ZC2HC1B: variants seen among roughly 807,000 people sequenced by gnomAD.
The protein encoded by ZC2HC1B is zinc finger C2HC-type containing 1B, also known as zinc finger C2HC domain-containing protein 1B.
ZC2HC1B carries 36 observed loss-of-function variants against 31.0 expected under a neutral mutation model. The ratio of observed to expected loss-of-function variants is 1.16; its 90% confidence interval spans 0.89 to 1.54. The LOEUF is 1.54. Ranked by LOEUF, ZC2HC1B falls within the 40% of genes most tolerant of loss-of-function variation. The pLI, the probability that ZC2HC1B is intolerant of heterozygous loss-of-function variation, is 0.00. For synonymous variants in ZC2HC1B, 73 were observed against 88.0 expected (o/e 0.83, Z 0.95); for missense variants, 260 against 268.6 (o/e 0.97, Z 0.22).
intron 6 of ZC2HC1B, among the ~76,000 whole-genome samples, chr6:143,906,747 CTTT>C (rs34216042): frequency 4.8e-5 from 7 of 146,678 alleles, no homozygotes; most frequent in Non-Finnish European, 3.0e-5. Context: ...CCCAGCCCCT[CTTT>C]TTTTTTTTTT....
intron 1 of ZC2HC1B, among the ~76,000 whole-genome samples, chr6:143,882,407 G>T (rs1227765878): frequency 1.4e-5 from 2 of 142,984 alleles, no homozygotes; most frequent in African/African-American, 2.7e-5. Context: ...AAAGAACAGG[G>T]AGGGCAAGAG....
chr6:143,936,083 T>C (rs1177385226), intron 6 of ZC2HC1B, among the ~76,000 whole-genome samples: 1 of 152,210 alleles, frequency 6.6e-6, no homozygotes, highest in African/African-American at 2.4e-5. Flanking sequence ...AAGCATTTAG[T>C]ATCTTGTACC....
rs572490593 is a variant in ZC2HC1B at position 143,874,676 on chromosome 6, C to T, written c.29-9628C>T. ...CATCAGATCTCATGAGACTCATTTA[C>T]TATCACAAGAACAGCATGGGAAAGA... On this transcript the variant is annotated intron_variant, in intron 1 of 7. Transcript: ENST00000237275. Among the ~76,000 whole-genome samples the T allele has an allele frequency of 9.2e-5, 14 of 152,274 alleles. No individual in the cohort carries two copies. The East Asian group carries it at 2.7e-3, about 29-fold the overall frequency.
At chr6:143,907,536 G>A (rs1411191583) in intron 6 of ZC2HC1B, among the ~76,000 whole-genome samples, 1 of 152,158 alleles carries the variant, frequency 6.6e-6, no homozygotes, top group Non-Finnish European at 1.5e-5. Context: ...GTTCAGTGAT[G>A]TTGAGCTCTT....
rs187283206 is a variant in ZC2HC1B at position 143,911,555 on chromosome 6, G to A, written c.598+8403G>A. 4.5e-4 allele frequency among the ~76,000 whole-genome samples: 68 copies of A among 152,202 alleles called. No individual in the cohort carries two copies. Among genetic ancestry groups the A allele is most frequent in the African/African-American group, 1.5e-3 (64 of 41,522 alleles). On this transcript the variant is annotated intron_variant, in intron 6 of 7. Coordinates refer to ENST00000237275, the MANE Select transcript of ZC2HC1B (RefSeq NM_001013623.3). The surrounding 1 kb of genome is among the most constrained non-coding windows in gnomAD (Gnocchi z 4.5). ...TTAGTTTGACTGGATATGAAATTCT[G>A]GGTTGGAAATTCTTTTCTTTAAGAA...
In ZC2HC1B at chr6:143,900,149, G is replaced by A. The variant is rs187141244; in HGVS notation, c.489+1458G>A. Among the ~76,000 whole-genome samples the A allele has an allele frequency of 2.0e-5, 3 of 152,042 alleles. No individual in the cohort carries two copies. The East Asian group carries it at 5.8e-4, about 29-fold the overall frequency. ...TCACGCCTGTAATCCCAGCACTTTGGGGGGCTGAAGTGGGCAGATCACCTG... is the reference window on the plus strand; with the variant it reads ...TCACGCCTGTAATCCCAGCACTTTGAGGGGCTGAAGTGGGCAGATCACCTG... On this transcript the variant is annotated intron_variant, in intron 5 of 7. Coordinates refer to ENST00000237275, the MANE Select transcript of ZC2HC1B (RefSeq NM_001013623.3).
In ZC2HC1B at chr6:143,898,790, G is replaced by C. The variant is rs912183975; in HGVS notation, c.489+99G>C. The C allele has an allele frequency of 6.3e-6, 9 of 1,424,982 alleles. No homozygotes were observed. The South Asian group carries it at 1.1e-4, about 17-fold the overall frequency. 88.3% of individuals were successfully genotyped at this position (1,424,982 alleles called of 1,614,324 possible). On this transcript the variant is annotated intron_variant, in intron 5 of 7. Coordinates refer to ENST00000237275, the MANE Select transcript of ZC2HC1B (RefSeq NM_001013623.3). ...GAACCTCAGTTACCCATCCTAAGAA[G>C]TGTAAGCGTGAAGAGAGCTGATCAT...
At chr6:143,874,957 C>T (rs1033692918) in intron 1 of ZC2HC1B, among the ~76,000 whole-genome samples, 9 of 152,114 alleles carry the variant, frequency 5.9e-5, no homozygotes, top group East Asian at 1.9e-4. Context: ...CTCAGCCCCC[C>T]GGGTATGTGG....
At chr6:143,873,569 C>A (rs1210676909) in intron 1 of ZC2HC1B, among the ~76,000 whole-genome samples, 1 of 152,232 alleles carries the variant, frequency 6.6e-6, no homozygotes, top group Admixed American at 6.5e-5. Context: ...AGAATCCAGG[C>A]GTTTCCATAC....
At position 143,884,773 on chromosome 6, in the gene ZC2HC1B, A is replaced by G. The variant is rs1777510159; in HGVS notation, c.90+408A>G. On this transcript the variant is annotated intron_variant, in intron 2 of 7. Coordinates refer to ENST00000237275, the MANE Select transcript of ZC2HC1B (RefSeq NM_001013623.3). This position sits in a 1 kb window ranked among gnomAD's most constrained non-coding sequence, Gnocchi z 5.1. ...GCTTTTAGCCTCAAATTTGTCACTAATCCTGACAAGTCCTTTAACCTTCCT... is the reference window on the plus strand; with the variant it reads ...GCTTTTAGCCTCAAATTTGTCACTAGTCCTGACAAGTCCTTTAACCTTCCT... 6.6e-6 allele frequency among the ~76,000 whole-genome samples: 1 copy of G among 152,152 alleles called. No homozygotes were observed. The highest frequency in any genetic ancestry group is 6.6e-5 in the Admixed American group (1 of 15,266).
At chr6:143,920,143 G>T (rs1777971163) in intron 6 of ZC2HC1B, among the ~76,000 whole-genome samples, 2 of 151,676 alleles carry the variant, frequency 1.3e-5, no homozygotes, top group South Asian at 4.2e-4. Context: ...TTATTTTCCA[G>T]AGATAATACA....
chr6:143,932,981 C>T (rs1778139530), intron 6 of ZC2HC1B, among the ~76,000 whole-genome samples: 1 of 152,162 alleles, frequency 6.6e-6, no homozygotes, highest in Admixed American at 6.5e-5. Flanking sequence ...CTGCCGAGTC[C>T]TGTGATGCAA....
At chr6:143,928,035 A>G (rs1413206122) in intron 6 of ZC2HC1B, among the ~76,000 whole-genome samples, 1 of 152,176 alleles carries the variant, frequency 6.6e-6, no homozygotes, top group African/African-American at 2.4e-5. Context: ...GTCCCTTGTC[A>G]GATGCACAGT....
chr6:143,911,293 G>T lies in ZC2HC1B; in HGVS notation c.598+8141G>T, dbSNP rs1032625306. Among the ~76,000 whole-genome samples the T allele has an allele frequency of 6.6e-6, 1 of 152,140 alleles. No individual in the cohort carries two copies. Among genetic ancestry groups the T allele is most frequent in the Non-Finnish European group, 1.5e-5 (1 of 68,030 alleles). ...CCCATTTAAATTTAAGGTTAGTATTGTTATGTGTGAATTAGATCCTGTCAT... is the reference window on the plus strand; with the variant it reads ...CCCATTTAAATTTAAGGTTAGTATTTTTATGTGTGAATTAGATCCTGTCAT... On this transcript the variant is annotated intron_variant, in intron 6 of 7. Coordinates refer to ENST00000237275, the MANE Select transcript of ZC2HC1B (RefSeq NM_001013623.3). The surrounding 1 kb of genome is among the most constrained non-coding windows in gnomAD (Gnocchi z 4.5).
At position 143,871,097 on chromosome 6, in the gene ZC2HC1B, C is replaced by T. The variant is rs1441848471; in HGVS notation, c.28+6530C>T. On this transcript the variant is annotated intron_variant, in intron 1 of 7. Coordinates refer to ENST00000237275, the MANE Select transcript of ZC2HC1B (RefSeq NM_001013623.3). The surrounding 1 kb of genome is among the most constrained non-coding windows in gnomAD (Gnocchi z 4.1). ...ATCCTTCATCTTAGAAGGAATATCT[C>T]AACAGGACCCATACCACTGGACCCC... Among the ~76,000 whole-genome samples, 1 of 152,140 alleles carries T rather than the reference C, an allele frequency of 6.6e-6. No homozygotes were observed. Among genetic ancestry groups the T allele is most frequent in the Non-Finnish European group, 1.5e-5 (1 of 68,030 alleles).
At position 143,911,825 on chromosome 6, in the gene ZC2HC1B, G is replaced by A. The variant is rs544202753; in HGVS notation, c.598+8673G>A. Among the ~76,000 whole-genome samples, 2 of 152,264 alleles carry A rather than the reference G, an allele frequency of 1.3e-5. No homozygotes were observed. Among genetic ancestry groups the A allele is most frequent in the South Asian group, 4.1e-4 (2 of 4,820 alleles). ...TTTGAATATTGGCCTGTCATGCTAG[G>A]TTGGGGAAGTGCTGGATTATATCCT... is the stretch of plus-strand genomic sequence containing the variant. On this transcript the variant is annotated intron_variant, in intron 6 of 7. Transcript: ENST00000237275. The surrounding 1 kb of genome is among the most constrained non-coding windows in gnomAD (Gnocchi z 4.5).
chr6:143,912,235 A>AT (rs1411344737), intron 6 of ZC2HC1B, among the ~76,000 whole-genome samples: 1 of 152,118 alleles, frequency 6.6e-6, no homozygotes, highest in Non-Finnish European at 1.5e-5. Context: ...AGCGAAGTTT[A>AT]TTACCCACCT....
intron 6 of ZC2HC1B, 137 bp from the exon 7 acceptor site, chr6:143,937,512 C>A: frequency 5.3e-6 from 3 of 569,530 alleles, no homozygotes; most frequent in East Asian, 3.6e-5. Flanking sequence ...GCCCTCCCCA[C>A]CACACTCCCC....
Position 143,908,915 on chromosome 6 carries a change from G to T in ZC2HC1B, c.598+5763G>T, listed in dbSNP as rs567963268. 5.3e-5 allele frequency among the ~76,000 whole-genome samples: 8 copies of T among 152,256 alleles called. No individual in the cohort carries two copies. In the South Asian group the frequency reaches 1.7e-3, roughly 32 times the overall value. On this transcript the variant is annotated intron_variant, in intron 6 of 7. Transcript: ENST00000237275. The surrounding 1 kb of genome is among the most constrained non-coding windows in gnomAD (Gnocchi z 4.4). ...TCAGTATGATATTGGCTGTGGGTTT[G>T]TCATATGTGACACTTATTATTTTGA...
Sources: gnomAD v4.1 joint callset for allele counts (sites outside exome capture counted in the v4.1 genomes callset) on GRCh38, gnomAD v4.1.1 for gene constraint, Gnocchi (gnomAD v3.1) non-coding constraint, MANE v1.5 for transcripts, NCBI Gene and HGNC (gene_info 2026-07-23, HGNC 2026-07-21) for gene names.